Variants in SLC30A4 observed in about 807,000 individuals in gnomAD.
SLC30A4 encodes probable proton-coupled zinc antiporter SLC30A4.
SLC30A4 carries 20 observed loss-of-function variants against 41.7 expected under a neutral mutation model. The observed-to-expected ratio is 0.48, with a 90% CI of 0.34 to 0.70. The LOEUF is 0.70. SLC30A4 is among the 30% of genes least tolerant of loss of function. The probability of loss-of-function intolerance (pLI) is 0.01; values close to 1 mark genes in which losing one functional copy is unlikely to be tolerated. For missense variants in SLC30A4, 441 were observed against 529.3 expected (o/e 0.83, Z 1.64); for synonymous variants, 181 against 195.9 (o/e 0.92, Z 0.64).
chr15:45,503,530 C>T (rs1160392370), intron 3 of SLC30A4, among the ~76,000 whole-genome samples: 2 of 151,800 alleles, frequency 1.3e-5, no homozygotes, highest in Non-Finnish European at 2.9e-5. Flanking sequence ...GCAGGAGAAT[C>T]GCTTCAATCT....
rs1891634119 is a variant in SLC30A4, at chr15:45,483,333, C to T, written c.*1830G>A. The T allele has an allele frequency of 6.6e-6, 1 of 152,170 alleles. No homozygotes were observed. The highest frequency in any genetic ancestry group is 6.5e-5 in the Admixed American group (1 of 15,276). 9.4% of individuals were successfully genotyped at this position (152,170 alleles called of 1,614,324 possible). A position where few individuals can be genotyped will look rare whatever the true frequency, so the allele number is the denominator to read the frequency against. ...ATTTGCCTGGTACATTGTTACCCTACTCTGATTCTTAGAGGAGCCCAATAA... is the reference window on the plus strand; with the variant it reads ...ATTTGCCTGGTACATTGTTACCCTATTCTGATTCTTAGAGGAGCCCAATAA... On this transcript the variant is annotated 3_prime_UTR_variant, in exon 8 of 8. Coordinates refer to ENST00000261867, the MANE Select transcript of SLC30A4 (RefSeq NM_013309.6).
At chr15:45,499,465 A>T (rs1344842445) in intron 3 of SLC30A4, among the ~76,000 whole-genome samples, 4 of 152,146 alleles carry the variant, frequency 2.6e-5, no homozygotes, top group Non-Finnish European at 1.5e-5. Context: ...CATGAGCATT[A>T]TCTTTATCTA....
rs1891608453 is a variant in SLC30A4 at position 45,482,013 on chromosome 15, G to A, written c.*3150C>T. ...AGGTGGAAGGATTTCTTGAGCCCAG[G>A]AGCTCAAGACCAGCCTGGGCAACAT... On this transcript the variant is annotated 3_prime_UTR_variant, in exon 8 of 8. Transcript: ENST00000261867. The A allele has an allele frequency of 7.3e-6, 1 of 136,544 alleles. No individual in the cohort carries two copies. The highest frequency in any genetic ancestry group is 2.8e-5 in the African/African-American group (1 of 35,802). 8.5% of individuals were successfully genotyped at this position (136,544 alleles called of 1,614,324 possible). A position where few individuals can be genotyped will look rare whatever the true frequency, so the allele number is the denominator to read the frequency against.
chr15:45,522,516 C>T, intron 1 of SLC30A4, 48 bp from the exon 2 acceptor site: 1 of 694,394 alleles, frequency 1.4e-6, no homozygotes, highest in East Asian at 3.0e-5. Flanking sequence ...CAACCCTGTC[C>T]TCAAGTTCCG....
chr15:45,499,081 A>ATTTTT (rs58257947), intron 3 of SLC30A4, among the ~76,000 whole-genome samples: 35 of 132,884 alleles, frequency 2.6e-4, no homozygotes, highest in Admixed American at 4.7e-4. Context: ...GCCTAGGCTG[A>ATTTTT]TTTTTTTTTT....
At chr15:45,521,054 T>C (rs747960466) in intron 2 of SLC30A4, 7 of 460,752 alleles carry the variant, frequency 1.5e-5, no homozygotes, top group Non-Finnish European at 2.7e-5. Flanking sequence ...TTTTCCCACA[T>C]AGAACCCTCC....
intron 3 of SLC30A4, among the ~76,000 whole-genome samples, chr15:45,492,843 A>C (rs1006511384): frequency 2.0e-5 from 3 of 152,238 alleles, no homozygotes; most frequent in African/African-American, 7.2e-5. Flanking sequence ...GGTGAGGAGA[A>C]CTGGTGGCTG....
At chr15:45,504,567 G>A (rs573404850) in intron 3 of SLC30A4, among the ~76,000 whole-genome samples, 7 of 152,080 alleles carry the variant, frequency 4.6e-5, no homozygotes, top group Admixed American at 6.5e-5. Flanking sequence ...TTTAAAGATC[G>A]GATATTCTGC....
At chr15:45,518,942 T>C (rs1892581172) in intron 2 of SLC30A4, among the ~76,000 whole-genome samples, 1 of 151,806 alleles carries the variant, frequency 6.6e-6, no homozygotes, top group Non-Finnish European at 1.5e-5. Context: ...TTTAAAAATA[T>C]ATTTTATTTA....
At chr15:45,513,098 G>A (rs947696313) in intron 2 of SLC30A4, among the ~76,000 whole-genome samples, 9 of 151,910 alleles carry the variant, frequency 5.9e-5, no homozygotes, top group Admixed American at 4.6e-4. Flanking sequence ...TCAGGAGTTT[G>A]AGACCAGACT....
chr15:45,518,868 A>G (rs977444798), intron 2 of SLC30A4, among the ~76,000 whole-genome samples: 7 of 151,992 alleles, frequency 4.6e-5, no homozygotes, highest in African/African-American at 1.7e-4. Context: ...AAATTGCTTC[A>G]TTTTTTATTA....
chr15:45,496,127 TCTAA>T (rs1405741365), intron 3 of SLC30A4, among the ~76,000 whole-genome samples: 4 of 152,182 alleles, frequency 2.6e-5, no homozygotes, highest in Non-Finnish European at 4.4e-5. Flanking sequence ...GACAATACTA[TCTAA>T]CTAAAAATTC....
At chr15:45,489,676 G>C (rs1319007324) in intron 4 of SLC30A4, among the ~76,000 whole-genome samples, 2 of 150,014 alleles carry the variant, frequency 1.3e-5, no homozygotes, top group Admixed American at 6.6e-5. Flanking sequence ...GCTAAATGAC[G>C]AGTTAATGGG....
intron 2 of SLC30A4, chr15:45,515,709 T>C (rs1892450304): frequency 6.6e-6 from 1 of 151,594 alleles, no homozygotes; most frequent in African/African-American, 2.4e-5. Context: ...ACTATGTTTT[T>C]ATTGTGCAGA....
chr15:45,517,581 G>A (rs184717116), intron 2 of SLC30A4, among the ~76,000 whole-genome samples: 3 of 151,688 alleles, frequency 2.0e-5, no homozygotes, highest in Non-Finnish European at 2.9e-5. Context: ...TCGAACTCCC[G>A]ATCCATTCTT....
At chr15:45,493,449 T>G (rs946922258) in intron 3 of SLC30A4, among the ~76,000 whole-genome samples, 8 of 152,190 alleles carry the variant, frequency 5.3e-5, no homozygotes, top group African/African-American at 1.9e-4. Flanking sequence ...CTGACACATT[T>G]TCATTTCAAT....
Position 45,486,710 on chromosome 15 carries a change from CTTT to C in SLC30A4, c.1033_1035del (p.Lys345del). The C allele has an allele frequency of 6.3e-7, 1 of 1,590,310 alleles. No homozygotes were observed. On this transcript the variant is annotated inframe_deletion, in exon 7 of 8. Transcript: ENST00000261867. ...ACATCTTCTATTTTCATCAAGGCTTCTTTGATATAGTCTACATTCAAATGGCTT... is the reference window on the plus strand; with the variant it reads ...ACATCTTCTATTTTCATCAAGGCTTCGATATAGTCTACATTCAAATGGCTT...
At chr15:45,517,580 C>T (rs969905847) in intron 2 of SLC30A4, among the ~76,000 whole-genome samples, 7 of 151,644 alleles carry the variant, frequency 4.6e-5, no homozygotes, top group Non-Finnish European at 4.4e-5. Flanking sequence ...CTCGAACTCC[C>T]GATCCATTCT....
rs554650854 is a variant in SLC30A4, at chr15:45,483,374, G to C, written c.*1789C>G. The C allele has an allele frequency of 2.6e-5, 4 of 152,186 alleles. No individual in the cohort carries two copies. Among genetic ancestry groups the C allele is most frequent in the Admixed American group, 1.3e-4 (2 of 15,268 alleles). 9.4% of individuals were successfully genotyped at this position (152,186 alleles called of 1,614,324 possible). ...AGCCCAATAACCATATCCATTCTTC[G>C]TGTAAGAAACTGTCACTGTTGAAAA... On this transcript the variant is annotated 3_prime_UTR_variant, in exon 8 of 8. Transcript: ENST00000261867.
Sources: gnomAD v4.1 joint callset for allele counts (sites outside exome capture counted in the v4.1 genomes callset) on GRCh38, gnomAD v4.1.1 for gene constraint, MANE v1.5 for transcripts, NCBI Gene and HGNC (gene_info 2026-07-23, HGNC 2026-07-21) for gene names.